The following MIPOL1 variants were observed in gnomAD, a reference collection of about 807,000 sequenced individuals.
MIPOL1 encodes mirror-image polydactyly 1.
Under a neutral mutation model 60.9 loss-of-function variants are expected in MIPOL1, and 57 were observed. That is an observed-to-expected ratio of 0.94 (90% CI 0.76 to 1.17). The LOEUF (loss-of-function observed/expected upper bound fraction) is 1.17, where lower values mean the gene tolerates loss of function less well. MIPOL1 is among the 50% of genes most tolerant of loss of function. MIPOL1 has a pLI of 0.00. For synonymous variants in MIPOL1, 179 were observed against 168.8 expected, an observed-to-expected ratio of 1.06 and a Z score of -0.47; for missense variants, 551 against 511.6, an observed-to-expected ratio of 1.08 and a Z score of -0.74.
At chr14:37,503,439 G>C (rs575437949) in intron 12 of MIPOL1, 8 of 152,254 alleles carry the variant, frequency 5.3e-5, no homozygotes, top group African/African-American at 1.9e-4. Flanking sequence ...GAAGAGAGTA[G>C]GGGCCAATAT....
At chr14:37,268,612 ATTAGT>A (rs758445283) in intron 4 of MIPOL1, 41 bp from the exon 5 acceptor site, 1 of 1,458,996 alleles carries the variant, frequency 6.9e-7, no homozygotes, top group Non-Finnish European at 9.3e-7. Context: ...ATGTCAAAAA[ATTAGT>A]TTATCTTACT....
intron 11 of MIPOL1, among the ~76,000 whole-genome samples, chr14:37,470,126 C>T (rs2094661421): frequency 6.6e-6 from 1 of 152,036 alleles, no homozygotes; most frequent in Non-Finnish European, 1.5e-5. Flanking sequence ...AGCCAATTTG[C>T]AGAGGGGTAT....
intron 9 of MIPOL1, among the ~76,000 whole-genome samples, chr14:37,338,509 A>G (rs1287928483): frequency 6.6e-6 from 1 of 150,764 alleles, no homozygotes; most frequent in African/African-American, 2.4e-5. Flanking sequence ...CCCAGATTCA[A>G]GTGATTTTCC....
intron 6 of MIPOL1, among the ~76,000 whole-genome samples, chr14:37,283,057 CTGTTTGTTTGTT>C (rs148441225): frequency 2.7e-5 from 4 of 149,068 alleles, no homozygotes; most frequent in Non-Finnish European, 4.5e-5. Flanking sequence ...TTTGATGTTG[CTGTTTGTTTGTT>C]TGTTTGTTTG....
chr14:37,401,366 T>C (rs1021921686), intron 10 of MIPOL1: 11 of 152,152 alleles, frequency 7.2e-5, no homozygotes, highest in African/African-American at 2.7e-4. Context: ...CGTGTAAATT[T>C]ATATACATAT....
chr14:37,491,218 T>C (rs2095043108), intron 11 of MIPOL1, among the ~76,000 whole-genome samples: 1 of 152,152 alleles, frequency 6.6e-6, no homozygotes, highest in South Asian at 2.1e-4. Flanking sequence ...TTCCAGGTAC[T>C]GTAGTATATT....
chr14:37,243,711 A>G (rs1017569947), intron 1 of MIPOL1, among the ~76,000 whole-genome samples: 16 of 152,200 alleles, frequency 1.1e-4, no homozygotes, highest in Non-Finnish European at 1.5e-4. Context: ...AGCATCTCCT[A>G]TTTAAAATGT....
intron 9 of MIPOL1, among the ~76,000 whole-genome samples, chr14:37,334,568 G>C (rs1031919676): frequency 6.6e-6 from 1 of 151,432 alleles, no homozygotes; most frequent in Non-Finnish European, 1.5e-5. Context: ...AATATTTTTC[G>C]GTATATTCAG....
At chr14:37,287,890 A>T (rs1462803750) in intron 7 of MIPOL1, among the ~76,000 whole-genome samples, 1 of 151,898 alleles carries the variant, frequency 6.6e-6, no homozygotes, top group Non-Finnish European at 1.5e-5. Flanking sequence ...CAGCCTCCCA[A>T]AGTGTTAGAA....
intron 11 of MIPOL1, among the ~76,000 whole-genome samples, chr14:37,427,909 A>G (rs2093992792): frequency 6.6e-6 from 1 of 152,166 alleles, no homozygotes; most frequent in Non-Finnish European, 1.5e-5. Context: ...ATGTGAAGGA[A>G]CCTAAAACTA....
chr14:37,475,889 G>T (rs2094765843), intron 11 of MIPOL1, among the ~76,000 whole-genome samples: 1 of 152,266 alleles, frequency 6.6e-6, no homozygotes, highest in South Asian at 2.1e-4. Flanking sequence ...CTTATATACT[G>T]AGTTGACTAT....
At chr14:37,423,894 A>G (rs2093917989) in intron 11 of MIPOL1, 1 of 152,146 alleles carries the variant, frequency 6.6e-6, no homozygotes, top group South Asian at 2.1e-4. Flanking sequence ...CAGCAAGTCC[A>G]TTAACAACTT....
intron 12 of MIPOL1, chr14:37,503,375 C>T (rs541604666): frequency 6.6e-6 from 1 of 152,104 alleles, no homozygotes; most frequent in African/African-American, 2.4e-5. Flanking sequence ...GTCGGGTTAC[C>T]CAGAAAGGGA....
At chr14:37,498,986 T>C (rs2095173724) in intron 11 of MIPOL1, among the ~76,000 whole-genome samples, 3 of 152,164 alleles carry the variant, frequency 2.0e-5, no homozygotes, top group Admixed American at 2.0e-4. Context: ...CAATCTATAT[T>C]ATATAGTTAA....
chr14:37,338,042 G>A (rs2090306968), intron 9 of MIPOL1, among the ~76,000 whole-genome samples: 1 of 150,862 alleles, frequency 6.6e-6, no homozygotes, highest in African/African-American at 2.4e-5. Context: ...TTTGTTGTAT[G>A]GTTTACAAAA....
chr14:37,345,806 A>T (rs769277506), intron 9 of MIPOL1, among the ~76,000 whole-genome samples: 9 of 152,194 alleles, frequency 5.9e-5, no homozygotes, highest in Admixed American at 2.6e-4. Context: ...TAAAAATAAA[A>T]CTTATGTGTG....
chr14:37,396,453 A>G (rs2093373284), intron 10 of MIPOL1, among the ~76,000 whole-genome samples: 1 of 152,086 alleles, frequency 6.6e-6, no homozygotes, highest in African/African-American at 2.4e-5. Flanking sequence ...CAATGCGCCT[A>G]GGTGATGATT....
chr14:37,288,434 G>C (rs994031369), intron 7 of MIPOL1, among the ~76,000 whole-genome samples: 2 of 152,072 alleles, frequency 1.3e-5, no homozygotes, highest in Non-Finnish European at 2.9e-5. Flanking sequence ...TAAGCTATAG[G>C]GTGTGGGTCA....
At chr14:37,518,630 T>A (rs532820169) in intron 12 of MIPOL1, among the ~76,000 whole-genome samples, 1 of 152,328 alleles carries the variant, frequency 6.6e-6, no homozygotes, top group East Asian at 1.9e-4. Flanking sequence ...CCACCGCAAC[T>A]GGCGTGATTT....
Sources: gnomAD v4.1 joint callset for allele counts (sites outside exome capture counted in the v4.1 genomes callset) on GRCh38, gnomAD v4.1.1 for gene constraint, MANE v1.5 for transcripts, NCBI Gene and HGNC (gene_info 2026-07-23, HGNC 2026-07-21) for gene names.